Variants in MRE11 observed in about 807,000 individuals in gnomAD.
The protein encoded by MRE11 is double-strand break repair protein MRE11.
MRE11 carries 62 observed loss-of-function variants against 91.7 expected under a neutral mutation model. That is an observed-to-expected ratio of 0.68 (90% CI 0.55 to 0.84). The LOEUF (loss-of-function observed/expected upper bound fraction) is 0.84, where lower values mean the gene tolerates loss of function less well. MRE11 is among the 40% of genes least tolerant of loss of function. The pLI is 0.00. For synonymous variants in MRE11, 273 were observed against 271.4 expected, an observed-to-expected ratio of 1.01 and a Z score of -0.06; for missense variants, 796 against 852.9, an observed-to-expected ratio of 0.93 and a Z score of 0.83.
At chr11:94,507,303 T>G in the MRE11 span, among the ~76,000 whole-genome samples, 1 of 152,172 alleles carries the variant, frequency 6.6e-6, no homozygotes, top group African/African-American at 2.4e-5. Flanking sequence ...TGTAGCAGGG[T>G]TTTGTTCTTT....
chr11:94,461,902 C>CGT (rs1350045140), intron 11 of MRE11, among the ~76,000 whole-genome samples: 2 of 152,024 alleles, frequency 1.3e-5, no homozygotes, highest in Non-Finnish European at 2.9e-5. Flanking sequence ...GGTGAAACCC[C>CGT]GTCTCTACTA....
upstream of MRE11, among the ~76,000 whole-genome samples, chr11:94,494,906 T>C (rs1300346107): frequency 6.6e-6 from 1 of 152,208 alleles, no homozygotes; most frequent in African/African-American, 2.4e-5. Context: ...TGTATGGTCA[T>C]TTTTGTGTTG....
chr11:94,445,816 T>C lies in MRE11; in HGVS notation c.1861A>G (p.Ile621Val), dbSNP rs373444411. ...AVSASRNMSI[I>V]DAFKSTRQQP... The stretch of plus-strand genomic sequence containing the variant: ...ACTTGCAGTCTATACTCACCATCTA[T>C]AATAGACATATTTCTAGATGCTGAC... Residue 621 changes from isoleucine to valine, a missense_variant, in exon 16 of 20, where the codon ATA becomes GTA. Transcript: ENST00000323929. 5.0e-6 allele frequency: 8 copies of C among 1,605,030 alleles called. No homozygotes were observed. The African/African-American group carries it at 8.0e-5, about 16-fold the overall frequency.
intron 19 of MRE11, among the ~76,000 whole-genome samples, chr11:94,425,787 G>A (rs995764866): frequency 6.6e-6 from 1 of 152,102 alleles, no homozygotes; most frequent in Non-Finnish European, 1.5e-5. Context: ...TGATTCAACA[G>A]GAAGACCTAA....
At chr11:94,437,139 A>G (rs765450913) in intron 17 of MRE11, 38 bp downstream of exon 17, 1 of 1,536,674 alleles carries the variant, frequency 6.5e-7, no homozygotes, top group South Asian at 1.2e-5. Context: ...CAGAAAACAT[A>G]AATTATTAAT....
chr11:94,492,341 G>A (rs1466852081), intron 2 of MRE11, among the ~76,000 whole-genome samples: 1 of 151,992 alleles, frequency 6.6e-6, no homozygotes, highest in Non-Finnish European at 1.5e-5. Context: ...CGCTAGCCTC[G>A]GCCTCCCAAA....
At position 94,419,572 on chromosome 11, in the gene MRE11, C is replaced by A; in HGVS notation, c.*553G>T. On this transcript the variant is annotated 3_prime_UTR_variant, in exon 20 of 20. Transcript: ENST00000323929. ...ACACAATCTTTTGAAATCTTTGCTA[C>A]AACTGGAATAAAAAACTCAGTAATT... 4.3e-6 allele frequency: 1 copy of A among 232,132 alleles called. No individual in the cohort carries two copies. Among genetic ancestry groups the A allele is most frequent in the East Asian group, 6.1e-5 (1 of 16,432 alleles). The allele number at this position is 232,132 out of a possible 1,614,324, so 14.4% of individuals were successfully genotyped here. A position where few individuals can be genotyped will look rare whatever the true frequency, so the allele number is the denominator to read the frequency against.
chr11:94,476,410 T>G lies in MRE11; in HGVS notation c.545-7A>C. 6.5e-7 allele frequency: 1 copy of G among 1,536,450 alleles called. No individual in the cohort carries two copies. Among genetic ancestry groups the G allele is most frequent in the Non-Finnish European group, 9.0e-7 (1 of 1,110,402 alleles). ...CTTTCATCTGGAATGGATCCTGAAATGGACATTACATTATTTTTAAATTGT... is the reference window on the plus strand; with the variant it reads ...CTTTCATCTGGAATGGATCCTGAAAGGGACATTACATTATTTTTAAATTGT... On this transcript the variant is annotated splice_region_variant and splice_polypyrimidine_tract_variant and intron_variant, in intron 6 of 19. Coordinates refer to ENST00000323929, the MANE Select transcript of MRE11 (RefSeq NM_005591.4).
chr11:94,445,674 A>C, intron 16 of MRE11, 136 bp downstream of exon 16: 1 of 728,170 alleles, frequency 1.4e-6, no homozygotes, highest in Non-Finnish European at 2.4e-6. Context: ...ATCTTTTAAA[A>C]AATAATTTAT....
At chr11:94,421,648 C>T (rs1309532482) in intron 19 of MRE11, among the ~76,000 whole-genome samples, 1 of 152,190 alleles carries the variant, frequency 6.6e-6, no homozygotes, top group Admixed American at 6.5e-5. Context: ...TTTTTCTTGG[C>T]AGCCTGAGTT....
intron 19 of MRE11, among the ~76,000 whole-genome samples, chr11:94,424,183 C>A (rs1321316984): frequency 6.6e-6 from 1 of 152,146 alleles, no homozygotes; most frequent in Non-Finnish European, 1.5e-5. Flanking sequence ...TGAGTAAGAG[C>A]CTATCCACTG....
At chr11:94,446,018 A>G in intron 15 of MRE11, 125 bp from the exon 16 acceptor site, 1 of 731,310 alleles carries the variant, frequency 1.4e-6, no homozygotes, top group Admixed American at 2.1e-5. Flanking sequence ...AGCCAGACAT[A>G]TATATAAGAA....
chr11:94,447,792 C>T (rs1295161042), intron 14 of MRE11, among the ~76,000 whole-genome samples: 1 of 151,754 alleles, frequency 6.6e-6, no homozygotes, highest in Non-Finnish European at 1.5e-5. Flanking sequence ...GCTATGATCA[C>T]ACCACTGCAC....
the MRE11 span, among the ~76,000 whole-genome samples, chr11:94,507,758 T>C: frequency 6.6e-6 from 1 of 152,214 alleles, no homozygotes; most frequent in Non-Finnish European, 1.5e-5. Flanking sequence ...AATGTTTTTA[T>C]GTGTGATGAC....
upstream of MRE11, chr11:94,498,598 A>C: frequency 7.3e-7 from 1 of 1,367,008 alleles, no homozygotes; most frequent in South Asian, 1.4e-5. Flanking sequence ...GTATTCCCAT[A>C]ATCAAAGTTG....
rs374193648 is a variant in MRE11, at chr11:94,479,744, T to C, written c.332A>G (p.Tyr111Cys). The change falls in exon 5 of 20, where the codon TAT becomes TGT. Residue 111 changes from tyrosine to cysteine, a missense_variant. By Grantham distance (194) the Tyr-to-Cys change is radical. Coordinates refer to ENST00000323929, the MANE Select transcript of MRE11 (RefSeq NM_005591.4). ...FGFSKFPWVNYQDGNLNISIP... is the reference protein window; with the variant it reads ...FGFSKFPWVNCQDGNLNISIP... ...TGAAATGTTGAGGTTGCCATCTTGA[T>C]AGTTCACCCATGGAAACCTTAAAAA... is the stretch of plus-strand genomic sequence containing the variant. 6.2e-7 allele frequency: 1 copy of C among 1,612,552 alleles called. No individual in the cohort carries two copies. Among genetic ancestry groups the C allele is most frequent in the Non-Finnish European group, 8.5e-7 (1 of 1,179,688 alleles).
intron 19 of MRE11, among the ~76,000 whole-genome samples, chr11:94,425,205 A>G (rs1352179822): frequency 1.3e-5 from 2 of 152,186 alleles, no homozygotes; most frequent in Admixed American, 6.5e-5. Context: ...TGCATCCTTA[A>G]AGAAAAAAGA....
intron 15 of MRE11, 151 bp from the exon 16 acceptor site, chr11:94,446,044 T>C (rs905435579): frequency 3.9e-5 from 25 of 638,264 alleles, no homozygotes; most frequent in Non-Finnish European, 6.4e-5. Context: ...ATCTAGAGTC[T>C]GACCAATTTT....
chr11:94,512,388 T>G, the MRE11 span: 5 of 832,634 alleles, frequency 6.0e-6, no homozygotes, highest in African/African-American at 1.8e-5. Flanking sequence ...GTGCGCGGAA[T>G]ACCTAGGGCC....
Sources: gnomAD v4.1 joint callset for allele counts (sites outside exome capture counted in the v4.1 genomes callset) on GRCh38, gnomAD v4.1.1 for gene constraint, MANE v1.5 for transcripts, NCBI Gene and HGNC (gene_info 2026-07-23, HGNC 2026-07-21) for gene names.